SMAD3: variants seen among roughly 807,000 people sequenced by gnomAD.
The protein encoded by SMAD3 is MAD homolog 3.
In SMAD3, 12 loss-of-function variants were observed where a neutral mutation model predicts 51.8. That is an observed-to-expected ratio of 0.23 (90% CI 0.15 to 0.38). The LOEUF is 0.38. Among genes scored for constraint, SMAD3 ranks in the 10% least tolerant of loss-of-function variants. SMAD3 has a pLI of 1.00. For synonymous variants in SMAD3, 238 were observed against 227.7 expected (o/e 1.05, Z -0.41); for missense variants, 294 against 565.6 (o/e 0.52, Z 4.87).
chr15:67,120,668 G>C (rs536864436), intron 1 of SMAD3, among the ~76,000 whole-genome samples: 69 of 152,278 alleles, frequency 4.5e-4, no homozygotes, highest in African/African-American at 1.6e-3. Context: ...GCCCTACCAG[G>C]TAAGAAATTG....
intron 1 of SMAD3, among the ~76,000 whole-genome samples, chr15:67,150,150 T>C (rs1383789375): frequency 6.6e-6 from 1 of 152,254 alleles, no homozygotes; most frequent in African/African-American, 2.4e-5. Flanking sequence ...GAGTGAGCGC[T>C]TGTCCTGAGG....
chr15:67,125,848 A>T (rs905650492), intron 1 of SMAD3: 4 of 985,326 alleles, frequency 4.1e-6, no homozygotes, highest in Non-Finnish European at 3.6e-6. Context: ...GAGCCGCGGC[A>T]CTGGGGTAAT....
At chr15:67,121,259 TCTC>T (rs1170996323) in intron 1 of SMAD3, among the ~76,000 whole-genome samples, 2 of 152,176 alleles carry the variant, frequency 1.3e-5, no homozygotes, top group African/African-American at 4.8e-5. Flanking sequence ...AGTGTTCTCT[TCTC>T]CTCGTTTCCT....
chr15:67,084,192 C>T (rs1015763878), intron 1 of SMAD3, among the ~76,000 whole-genome samples: 1 of 149,800 alleles, frequency 6.7e-6, no homozygotes, highest in African/African-American at 2.5e-5. Flanking sequence ...TCTCCTGCCT[C>T]AGCCTCCCGA....
intron 5 of SMAD3, among the ~76,000 whole-genome samples, chr15:67,172,676 G>T (rs891717238): frequency 1.3e-5 from 2 of 152,170 alleles, no homozygotes; most frequent in Admixed American, 6.5e-5. Flanking sequence ...TAGGAAACCG[G>T]GGAACACATT....
At chr15:67,098,290 C>T (rs1203582705) in intron 1 of SMAD3, among the ~76,000 whole-genome samples, 6 of 150,788 alleles carry the variant, frequency 4.0e-5, no homozygotes, top group African/African-American at 1.5e-4. Flanking sequence ...GCCCCCCCAC[C>T]CCACCACCCA....
At chr15:67,105,201 T>A (rs773412753) in intron 1 of SMAD3, among the ~76,000 whole-genome samples, 3 of 152,240 alleles carry the variant, frequency 2.0e-5, no homozygotes, top group Non-Finnish European at 2.9e-5. Context: ...CTCAGTTTAC[T>A]CCTTAGTAAA....
chr15:67,099,614 A>G (rs981085656), intron 1 of SMAD3, among the ~76,000 whole-genome samples: 7 of 152,208 alleles, frequency 4.6e-5, no homozygotes, highest in African/African-American at 1.7e-4. Flanking sequence ...GTTTTGATTC[A>G]TGTACTCAGA....
chr15:67,188,397 CA>C (rs1963278893), intron 8 of SMAD3, among the ~76,000 whole-genome samples: 2 of 152,196 alleles, frequency 1.3e-5, no homozygotes, highest in Admixed American at 6.5e-5. Flanking sequence ...CTCAGCCTCC[CA>C]AAGTGCTGGG....
chr15:67,075,027 C>T (rs1498505), intron 1 of SMAD3, among the ~76,000 whole-genome samples: 51,634 of 149,516 alleles, frequency 0.35, 10,129 homozygotes, highest in South Asian at 0.54. Context: ...TTTTTTTTTT[C>T]TTTTCAACTG....
intron 1 of SMAD3, among the ~76,000 whole-genome samples, chr15:67,127,870 G>A (rs1343606753): frequency 6.6e-6 from 1 of 152,192 alleles, no homozygotes; most frequent in Non-Finnish European, 1.5e-5. Context: ...AAAGTGGTAG[G>A]GAGACTATCA....
chr15:67,073,796 T>G (rs1960108702), intron 1 of SMAD3, among the ~76,000 whole-genome samples: 1 of 152,210 alleles, frequency 6.6e-6, no homozygotes, highest in South Asian at 2.1e-4. Context: ...TGCCTCAGCC[T>G]TCTGAGTAGC....
chr15:67,091,243 C>T (rs979175620), intron 1 of SMAD3, among the ~76,000 whole-genome samples: 3 of 152,366 alleles, frequency 2.0e-5, no homozygotes, highest in African/African-American at 4.8e-5. Context: ...CTCCCCCAGC[C>T]GTCTCCAGGC....
chr15:67,183,031 A>ATATATATTTT (rs1156620400), intron 6 of SMAD3, among the ~76,000 whole-genome samples: 1 of 29,702 alleles, frequency 3.4e-5, no homozygotes, highest in African/African-American at 1.7e-4. Context: ...ATATATATAT[A>ATATATATTTT]TTTTTTTTTT....
chr15:67,068,257 C>T lies in SMAD3; in HGVS notation c.206+1897C>T, dbSNP rs149109524. Among the ~76,000 whole-genome samples, 220 of 152,350 alleles carry T rather than the reference C, an allele frequency of 1.4e-3. 1 individual carries two copies. Among genetic ancestry groups the T allele is most frequent in the African/African-American group, 5.1e-3 (214 of 41,588 alleles). On this transcript the variant is annotated intron_variant, in intron 1 of 8. Transcript: ENST00000327367. ...AGACATGGGGTTCTGCCTGAATGTG[C>T]TCTTTCTGCTGCCCCATGCTGCTTT...
At position 67,169,650 on chromosome 15, in the gene SMAD3, A is replaced by G. The variant is rs141302785; in HGVS notation, c.608-904A>G. On this transcript the variant is annotated intron_variant, in intron 4 of 8. Coordinates refer to ENST00000327367, the MANE Select transcript of SMAD3 (RefSeq NM_005902.4). ...TTTTTTTTTTTTTTTTTCTGTAGAGACAGGGTCTCCCTATATCACCCAGGC... is the reference window on the plus strand; with the variant it reads ...TTTTTTTTTTTTTTTTTCTGTAGAGGCAGGGTCTCCCTATATCACCCAGGC... Among the ~76,000 whole-genome samples the G allele has an allele frequency of 1.9e-3, 269 of 140,782 alleles. 2 individuals carry two copies. Among genetic ancestry groups the G allele is most frequent in the African/African-American group, 6.9e-3 (257 of 37,128 alleles). The allele number at this position is 140,782 out of a possible 152,430, so 92.4% of individuals were successfully genotyped here.
intron 1 of SMAD3, among the ~76,000 whole-genome samples, chr15:67,159,243 A>G (rs1439633972): frequency 1.3e-5 from 2 of 151,824 alleles, no homozygotes; most frequent in African/African-American, 4.8e-5. Context: ...GCTAATTTTT[A>G]TATTTTTTGT....
intron 1 of SMAD3, among the ~76,000 whole-genome samples, chr15:67,093,215 A>G (rs1263654387): frequency 1.3e-5 from 2 of 152,202 alleles, no homozygotes; most frequent in Non-Finnish European, 2.9e-5. Flanking sequence ...GCATATCCTT[A>G]ACCTCTCTGA....
chr15:67,150,844 A>G (rs1189414527), intron 1 of SMAD3, among the ~76,000 whole-genome samples: 1 of 15,264 alleles, frequency 6.6e-5, no homozygotes, highest in Non-Finnish European at 1.5e-4. Context: ...GCTATTTCTC[A>G]GTCTTTTTTT....
Sources: allele counts gnomAD v4.1 joint callset (sites outside exome capture counted in the v4.1 genomes callset), GRCh38; gene constraint gnomAD v4.1.1; transcripts MANE v1.5; gene names NCBI Gene and HGNC (gene_info 2026-07-23, HGNC 2026-07-21).